NR2C2: variants seen among roughly 807,000 people sequenced by gnomAD.
NR2C2 encodes the protein nuclear receptor subfamily 2 group C member 2, also known as Nuclear hormone receptor TR4.
NR2C2 carries 6 observed loss-of-function variants against 62.9 expected under a neutral mutation model. That is an observed-to-expected ratio of 0.10 (90% CI 0.05 to 0.19). The LOEUF is 0.19. Among genes scored for constraint, NR2C2 ranks in the 10% least tolerant of loss-of-function variants. The pLI is 1.00. For synonymous variants in NR2C2, 272 were observed against 273.8 expected, an observed-to-expected ratio of 0.99 and a Z score of 0.07; for missense variants, 479 against 762.7, an observed-to-expected ratio of 0.63 and a Z score of 4.38.
Position 15,042,840 on chromosome 3 carries a change from C to A in NR2C2, c.1623C>A (p.Ala541=), listed in dbSNP as rs771552565. The A allele has an allele frequency of 2.5e-6, 4 of 1,613,716 alleles. No homozygotes were observed. In the African/African-American group the frequency reaches 5.3e-5, roughly 22 times the overall value. ...ATGACACTCCCTTTTATAGATTGGC[C>A]CGGATCCTCGTTCGCCTGCCGGCAC... ...KTYSEDTYRL[A]RILVRLPALR... The change falls in exon 14 of 14, where the codon GCC becomes GCA. Residue 541 remains alanine, a synonymous_variant. Coordinates refer to ENST00000425241, the MANE Select transcript of NR2C2 (RefSeq NM_001291694.2).
chr3:15,021,456 G>A (rs1485231278), intron 5 of NR2C2, among the ~76,000 whole-genome samples: 1 of 152,202 alleles, frequency 6.6e-6, no homozygotes, highest in Non-Finnish European at 1.5e-5. Flanking sequence ...CTGGATGTGT[G>A]GGGCAGCCAG....
chr3:14,954,928 T>C (rs1326852095), intron 1 of NR2C2, among the ~76,000 whole-genome samples: 1 of 152,202 alleles, frequency 6.6e-6, no homozygotes, highest in African/African-American at 2.4e-5. Context: ...CCTCCCAGGT[T>C]CAAAGGATTC....
At chr3:15,007,112 G>T (rs2041198150) in intron 2 of NR2C2, among the ~76,000 whole-genome samples, 1 of 144,616 alleles carries the variant, frequency 6.9e-6, no homozygotes, top group Admixed American at 7.0e-5. Context: ...TGTCACAGAG[G>T]TTTTCCCTGA....
intron 4 of NR2C2, among the ~76,000 whole-genome samples, chr3:15,019,659 CAGAA>C (rs1331210473): frequency 6.6e-6 from 1 of 151,394 alleles, no homozygotes; most frequent in African/African-American, 2.4e-5. Flanking sequence ...AAGCCAGACA[CAGAA>C]AGACAAATAC....
intron 13 of NR2C2, among the ~76,000 whole-genome samples, chr3:15,041,709 T>TA (rs1272163905): frequency 1.1e-4 from 16 of 151,942 alleles, no homozygotes; most frequent in Admixed American, 1.0e-3. Context: ...AATGAAAAAT[T>TA]AGTCAGGTGC....
In NR2C2 at chr3:15,038,107, T is replaced by C; in HGVS notation, c.1480T>C (p.Tyr494His). 1 of 1,614,088 alleles carries C rather than the reference T, an allele frequency of 6.2e-7. No homozygotes were observed. The highest frequency in any genetic ancestry group is 8.5e-7 in the Non-Finnish European group (1 of 1,179,990). Residue 494 changes from tyrosine (Y) to histidine (H), a missense_variant, in exon 12 of 14, where the codon TAC (tyrosine) becomes CAC (histidine). Coordinates refer to ENST00000425241, the MANE Select transcript of NR2C2 (RefSeq NM_001291694.2). ...KLDIDGYEYA[Y>H]LKAIVLFSPD... ...GGATATAGATGGCTATGAGTATGCA[T>C]ACCTTAAAGCTATAGTTCTCTTTAG...
intron 2 of NR2C2, among the ~76,000 whole-genome samples, chr3:15,011,498 G>A (rs1011148038): frequency 5.3e-5 from 8 of 152,198 alleles, no homozygotes; most frequent in African/African-American, 1.7e-4. Flanking sequence ...CAGTTGAGCT[G>A]TGGGTAGGAA....
chr3:14,974,593 T>TA (rs2040147674), intron 1 of NR2C2, among the ~76,000 whole-genome samples: 1 of 151,598 alleles, frequency 6.6e-6, no homozygotes, highest in African/African-American at 2.4e-5. Flanking sequence ...GGTGTATACT[T>TA]ATGGTTTTTT....
Position 15,030,402 on chromosome 3 carries a change from A to T in NR2C2, c.1060A>T (p.Ile354Phe). The part of the protein sequence containing the change: ...HVISRDQSTP[I>F]IEVEGPLLSD... ...CATCAGCAGAGACCAGTCGACACCC[A>T]TCATTGAGGTTGAAGGCCCCCTCCT... Residue 354 changes from isoleucine (I) to phenylalanine (F), a missense_variant, in exon 9 of 14, where the codon ATC (isoleucine) becomes TTC (phenylalanine). By Grantham distance (21) the Ile-to-Phe change is conservative. Coordinates refer to ENST00000425241, the MANE Select transcript of NR2C2 (RefSeq NM_001291694.2). 1 of 1,609,372 alleles carries T rather than the reference A, an allele frequency of 6.2e-7. No homozygotes were observed. The highest frequency in any genetic ancestry group is 8.5e-7 in the Non-Finnish European group (1 of 1,178,510).
chr3:14,971,425 C>T (rs370622666), intron 1 of NR2C2, among the ~76,000 whole-genome samples: 1 of 151,722 alleles, frequency 6.6e-6, no homozygotes, highest in East Asian at 1.9e-4. Context: ...GTCTTACATG[C>T]ATTTTTGACT....
rs1473001677 is a variant in NR2C2 at position 15,034,591 on chromosome 3, G to T, written c.1233-79G>T. 6.1e-6 allele frequency: 9 copies of T among 1,468,808 alleles called. No individual in the cohort carries two copies. In the East Asian group the frequency reaches 2.1e-4, roughly 34 times the overall value. 91.0% of individuals were successfully genotyped at this position (1,468,808 alleles called of 1,614,324 possible). On this transcript the variant is annotated intron_variant, in intron 10 of 13. Coordinates refer to ENST00000425241, the MANE Select transcript of NR2C2 (RefSeq NM_001291694.2). ...GAATTCACCTGTTTGGGAAATGCTG[G>T]GACTTAGTGCCTGGATGCCCCACAA...
Position 14,988,088 on chromosome 3 carries a change from C to G in NR2C2, c.-39-15788C>G, listed in dbSNP as rs951423008. ...ATGAAAAGATGCACAGATGGACAGA[C>G]AGATGTATATATAGACAGACAGGTA... On this transcript the variant is annotated intron_variant, in intron 1 of 13. Coordinates refer to ENST00000425241, the MANE Select transcript of NR2C2 (RefSeq NM_001291694.2). Among the ~76,000 whole-genome samples, 3 of 152,208 alleles carry G rather than the reference C, an allele frequency of 2.0e-5. No individual in the cohort carries two copies. In the South Asian group the frequency reaches 6.2e-4, roughly 31 times the overall value.
intron 1 of NR2C2, among the ~76,000 whole-genome samples, chr3:14,985,789 G>GT (rs2040498885): frequency 6.6e-6 from 1 of 152,104 alleles, no homozygotes; most frequent in Non-Finnish European, 1.5e-5. Flanking sequence ...GCACATTTAA[G>GT]TTTTTTCCAG....
chr3:14,997,445 A>G (rs2040863683), intron 1 of NR2C2, among the ~76,000 whole-genome samples: 1 of 152,246 alleles, frequency 6.6e-6, no homozygotes, highest in Non-Finnish European at 1.5e-5. Context: ...TTAAATGTTC[A>G]TTATTAAAGG....
In NR2C2 at chr3:15,037,517, G is replaced by C. The variant is rs368208957; in HGVS notation, c.1373-483G>C. On this transcript the variant is annotated intron_variant, in intron 11 of 13. Transcript: ENST00000425241. ...CCAGCTCCTCAGGATGCTAAGGTGG[G>C]AGGATCACTTGAGCTTATGAATTCA... is the stretch of plus-strand genomic sequence containing the variant. Among the ~76,000 whole-genome samples, 35 of 152,322 alleles carry C rather than the reference G, an allele frequency of 2.3e-4. No homozygotes were observed. In the South Asian group the frequency reaches 7.2e-3, roughly 32 times the overall value.
chr3:14,965,354 C>T (rs1360437806), intron 1 of NR2C2, among the ~76,000 whole-genome samples: 1 of 151,750 alleles, frequency 6.6e-6, no homozygotes, highest in Non-Finnish European at 1.5e-5. Context: ...TATCACAAGT[C>T]GTCAGGCAAC....
At chr3:15,011,795 A>G (rs1164197612) in intron 2 of NR2C2, among the ~76,000 whole-genome samples, 1 of 152,120 alleles carries the variant, frequency 6.6e-6, no homozygotes, top group East Asian at 1.9e-4. Flanking sequence ...ACTTTGCCGC[A>G]TTTTTGCAGT....
At chr3:15,029,356 G>A (rs1229950410) in intron 8 of NR2C2, among the ~76,000 whole-genome samples, 2 of 152,084 alleles carry the variant, frequency 1.3e-5, no homozygotes, top group Non-Finnish European at 2.9e-5. Context: ...GCCAGATGCC[G>A]ATAACTGCTA....
intron 1 of NR2C2, among the ~76,000 whole-genome samples, chr3:14,967,626 G>C (rs1182232221): frequency 1.3e-5 from 2 of 152,114 alleles, no homozygotes; most frequent in Non-Finnish European, 2.9e-5. Flanking sequence ...AAAGCAGTGA[G>C]AGCTTGAATC....
Sources: gnomAD v4.1 joint callset for allele counts (sites outside exome capture counted in the v4.1 genomes callset) on GRCh38, gnomAD v4.1.1 for gene constraint, MANE v1.5 for transcripts, NCBI Gene and HGNC (gene_info 2026-07-23, HGNC 2026-07-21) for gene names.